Variants in POLA1 observed in about 807,000 individuals in gnomAD.
POLA1 encodes the protein DNA polymerase alpha 1, catalytic subunit.
POLA1 carries 15 observed loss-of-function variants against 124.0 expected under a neutral mutation model. The ratio of observed to expected loss-of-function variants is 0.12; its 90% CI spans 0.08 to 0.19. The LOEUF (loss-of-function observed/expected upper bound fraction) is 0.19, where lower values mean the gene tolerates loss of function less well. Among genes scored for constraint, POLA1 ranks in the 10% least tolerant of loss-of-function variants. The pLI is 1.00. For missense variants in POLA1, 886 were observed against 1,103.4 expected, an observed-to-expected ratio of 0.80 and a Z score of 2.79; for synonymous variants, 408 against 389.4, an observed-to-expected ratio of 1.05 and a Z score of -0.56.
intron 35 of POLA1, among the ~76,000 whole-genome samples, chrX:24,922,227 A>C (rs914235707): frequency 1.0e-5 from 1 of 95,515 alleles, no homozygotes; most frequent in Non-Finnish European, 2.0e-5. Context: ...GACATGCGCT[A>C]TCATACCCAA....
At chrX:24,982,570 T>C (rs910858750) in intron 36 of POLA1, among the ~76,000 whole-genome samples, 1 of 111,029 alleles carries the variant, frequency 9.0e-6, no homozygotes, top group East Asian at 2.8e-4. Flanking sequence ...CTAGAGTTTG[T>C]ACAATGTGAA....
chrX:24,748,230 G>C (rs1206309028), intron 24 of POLA1, 81 bp from the exon 25 acceptor site: 1 of 667,957 alleles, frequency 1.5e-6, no homozygotes. Context: ...TGATCATGGG[G>C]GAAAGCTCCT....
At chrX:24,737,493 C>T (rs1005520369) in intron 18 of POLA1, 132 bp from the exon 19 acceptor site, 11 of 433,777 alleles carry the variant, frequency 2.5e-5, no homozygotes, top group Middle Eastern at 4.6e-4. Context: ...GACCCCCAAT[C>T]GGAGGTAAGT....
chrX:24,748,065 G>A lies in POLA1; in HGVS notation c.2692-246G>A, dbSNP rs550688300. Among the ~76,000 whole-genome samples, 16 of 111,683 alleles carry A rather than the reference G, an allele frequency of 1.4e-4. No individual in the cohort carries two copies. In the South Asian group the frequency reaches 5.3e-3, roughly 37 times the overall value. On this transcript the variant is annotated intron_variant, in intron 24 of 36. Coordinates refer to ENST00000379068, the MANE Select transcript of POLA1 (RefSeq NM_001330360.2). ...ATCCCTTTAAATGAAATCTAAATTT[G>A]TGTCTAACTACAGGGGTGGGAGATA...
intron 35 of POLA1, among the ~76,000 whole-genome samples, chrX:24,901,604 A>T (rs368625751): frequency 9.0e-6 from 1 of 111,299 alleles, no homozygotes; most frequent in African/African-American, 3.3e-5. Flanking sequence ...GACTAAGTTG[A>T]CTGCTTTGAC....
intron 36 of POLA1, among the ~76,000 whole-genome samples, chrX:24,970,428 T>C (rs1258312444): frequency 8.9e-6 from 1 of 111,961 alleles, no homozygotes; most frequent in Non-Finnish European, 1.9e-5. Context: ...CAAAAGCAAT[T>C]GCAACAAAAG....
intron 34 of POLA1, among the ~76,000 whole-genome samples, chrX:24,885,058 G>A (rs754631933): frequency 7.2e-5 from 8 of 111,851 alleles, no homozygotes; most frequent in South Asian, 3.7e-4. Flanking sequence ...ACAGAATCAA[G>A]TTTCAAAAAC....
At chrX:24,883,236 C>G (rs2047025726) in intron 34 of POLA1, among the ~76,000 whole-genome samples, 1 of 111,989 alleles carries the variant, frequency 8.9e-6, no homozygotes, top group Non-Finnish European at 1.9e-5. Flanking sequence ...CTTATAGATT[C>G]TGGACATTAG....
chrX:24,766,572 A>C lies in POLA1; in HGVS notation c.2964+17580A>C, dbSNP rs372752607. The stretch of plus-strand genomic sequence containing the variant: ...ATTAGGTAAACCTGGCATGGGAAGG[A>C]GCTGAGGAAAAAAAGCTATAAATAA... On this transcript the variant is annotated intron_variant, in intron 26 of 36. Coordinates refer to ENST00000379068, the MANE Select transcript of POLA1 (RefSeq NM_001330360.2). 8.9e-5 allele frequency among the ~76,000 whole-genome samples: 10 copies of C among 111,811 alleles called. No homozygotes were observed. The East Asian group carries it at 1.4e-3, about 16-fold the overall frequency.
rs2047758788 is a variant in POLA1, at chrX:24,930,433, T to C, written c.4165-20T>C. ...CCCCTCCCCAGTAGTAGTATTCATT[T>C]ATTTTCTGTTATATTACAGTATTCT... is the stretch of plus-strand genomic sequence containing the variant. On this transcript the variant is annotated intron_variant, in intron 35 of 36. Coordinates refer to ENST00000379068, the MANE Select transcript of POLA1 (RefSeq NM_001330360.2). The C allele has an allele frequency of 9.7e-7, 1 of 1,030,737 alleles. No individual in the cohort carries two copies. The highest frequency in any genetic ancestry group is 1.9e-5 in the African/African-American group (1 of 53,965). 84.9% of individuals were successfully genotyped at this position (1,030,737 alleles called of 1,213,427 possible). A position where few individuals can be genotyped will look rare whatever the true frequency, so the allele number is the denominator to read the frequency against.
chrX:24,874,122 A>G (rs1220425373), intron 34 of POLA1, among the ~76,000 whole-genome samples: 1 of 111,963 alleles, frequency 8.9e-6, no homozygotes, highest in Non-Finnish European at 1.9e-5. Context: ...CCTCACATAC[A>G]ACACAAAAGA....
chrX:24,955,636 T>A (rs1263002926), intron 36 of POLA1, among the ~76,000 whole-genome samples: 1 of 112,253 alleles, frequency 8.9e-6, no homozygotes, highest in African/African-American at 3.2e-5. Context: ...TGTTCATAGC[T>A]TTATCACACA....
At chrX:24,910,566 C>A (rs1362273668) in intron 35 of POLA1, among the ~76,000 whole-genome samples, 6 of 111,188 alleles carry the variant, frequency 5.4e-5, no homozygotes, top group Admixed American at 1.9e-4. Flanking sequence ...AAAAGACATA[C>A]CATGCAAACA....
intron 35 of POLA1, among the ~76,000 whole-genome samples, chrX:24,909,232 G>T (rs749560923): frequency 6.3e-5 from 7 of 111,626 alleles, no homozygotes; most frequent in South Asian, 3.8e-4. Flanking sequence ...AGAAGCTCTT[G>T]AGTTTAATTA....
At chrX:24,880,837 A>T (rs924019156) in intron 34 of POLA1, among the ~76,000 whole-genome samples, 1 of 111,773 alleles carries the variant, frequency 8.9e-6, no homozygotes, top group East Asian at 2.8e-4. Context: ...TGATGTTCTC[A>T]GAGTACATCT....
At chrX:24,822,497 G>A (rs2046105999) in intron 31 of POLA1, among the ~76,000 whole-genome samples, 1 of 112,665 alleles carries the variant, frequency 8.9e-6, no homozygotes, top group Non-Finnish European at 1.9e-5. Flanking sequence ...CAATCAATGT[G>A]TTTTTAAATC....
At chrX:24,886,992 A>G (rs1415568916) in intron 34 of POLA1, among the ~76,000 whole-genome samples, 1 of 111,538 alleles carries the variant, frequency 9.0e-6, no homozygotes, top group African/African-American at 3.3e-5. Context: ...AGGTGAGAAC[A>G]CCATAAGACA....
chrX:24,786,636 G>T (rs2045366736), intron 26 of POLA1, among the ~76,000 whole-genome samples: 1 of 104,445 alleles, frequency 9.6e-6, no homozygotes, highest in South Asian at 4.5e-4. Context: ...AGCTTCCCAA[G>T]TAGCTAGGAC....
chrX:24,773,190 CCAAT>C (rs930950958), intron 26 of POLA1, among the ~76,000 whole-genome samples: 1 of 112,194 alleles, frequency 8.9e-6, no homozygotes, highest in Non-Finnish European at 1.9e-5. Flanking sequence ...TCTTTGTTGT[CCAAT>C]CAAACAATGT....
Sources: gnomAD v4.1 joint callset for allele counts (sites outside exome capture counted in the v4.1 genomes callset) on GRCh38, gnomAD v4.1.1 for gene constraint, MANE v1.5 for transcripts, NCBI Gene and HGNC (gene_info 2026-07-23, HGNC 2026-07-21) for gene names.